The following DOCK8 variants were observed in gnomAD, a reference collection of about 807,000 sequenced individuals.
DOCK8 encodes dedicator of cytokinesis protein 8.
DOCK8 carries 141 observed loss-of-function variants against 245.6 expected under a neutral mutation model. That is an observed-to-expected ratio of 0.57 (90% CI 0.50 to 0.66). The LOEUF is 0.66. Ranked by LOEUF, DOCK8 falls within the 30% of genes least tolerant of loss-of-function variation. DOCK8 has a pLI of 0.00. For missense variants in DOCK8, 2,965 were observed against 2,603.4 expected (o/e 1.14, Z -3.02); for synonymous variants, 1,168 against 970.2 (o/e 1.20, Z -3.79).
chr9:340,197 A>G lies in DOCK8; in HGVS notation c.1555A>G (p.Ile519Val), dbSNP rs1311504432. 2 of 1,614,200 alleles carry G rather than the reference A, an allele frequency of 1.2e-6. No individual in the cohort carries two copies. Among genetic ancestry groups the G allele is most frequent in the East Asian group, 4.5e-5 (2 of 44,884 alleles). ...GGAGATTTCTACAGCTCCAGAGATC[A>G]TCAATTGCTGTCTGACTCCTGAAAT... is the stretch of plus-strand genomic sequence containing the variant. ...RLEISTAPEI[I>V]NCCLTPEMLP... The change falls in exon 14 of 48, where the codon ATC (isoleucine) becomes GTC (valine). Residue 519 changes from isoleucine to valine, a missense_variant. This residue lies in a region of DOCK8 where 2,825 missense variants were observed against 2,453.5 expected (regional missense o/e 1.15). Coordinates refer to ENST00000432829, the MANE Select transcript of DOCK8 (RefSeq NM_203447.4).
At chr9:243,745 TC>T (rs1188385132) in intron 1 of DOCK8, among the ~76,000 whole-genome samples, 2 of 152,116 alleles carry the variant, frequency 1.3e-5, no homozygotes, top group Non-Finnish European at 2.9e-5. Flanking sequence ...TCTAGAGGAC[TC>T]TGATACCCAA....
intron 29 of DOCK8, among the ~76,000 whole-genome samples, chr9:417,048 A>G (rs1285243325): frequency 2.6e-5 from 4 of 152,164 alleles, no homozygotes; most frequent in African/African-American, 9.6e-5. Flanking sequence ...TAATCCCAGC[A>G]CTTTGGGAGG....
intron 33 of DOCK8, among the ~76,000 whole-genome samples, chr9:423,139 A>G (rs1321441092): frequency 2.6e-5 from 4 of 152,140 alleles, no homozygotes; most frequent in Admixed American, 6.6e-5. Context: ...ATACTTTGCT[A>G]TGTTTCCTAC....
At chr9:245,136 C>G (rs139480421) in intron 1 of DOCK8, among the ~76,000 whole-genome samples, 15 of 152,184 alleles carry the variant, frequency 9.9e-5, no homozygotes, top group Admixed American at 2.6e-4. Flanking sequence ...GCCACCTACA[C>G]AGCTGTAGTT....
At chr9:338,227 G>A (rs1335185968) in intron 12 of DOCK8, among the ~76,000 whole-genome samples, 13 of 152,072 alleles carry the variant, frequency 8.5e-5, no homozygotes, top group Non-Finnish European at 7.4e-5. Flanking sequence ...AAATAAACTC[G>A]CTTGGTCTGA....
chr9:396,757 T>G (rs368842972), intron 24 of DOCK8, 28 bp from the exon 25 acceptor site: 91 of 1,613,852 alleles, frequency 5.6e-5, no homozygotes, highest in Non-Finnish European at 7.2e-5. Context: ...AATCTCCATG[T>G]TGACATTTCC....
chr9:382,779 G>A, intron 22 of DOCK8, 94 bp downstream of exon 22: 2 of 1,490,468 alleles, frequency 1.3e-6, no homozygotes, highest in East Asian at 2.4e-5. Context: ...CACTACTGCT[G>A]CCCACCATGC....
In DOCK8 at chr9:273,075, G is replaced by T. The variant is rs539114276; in HGVS notation, c.156+1346G>T. 1.3e-5 allele frequency: 13 copies of T among 985,356 alleles called. No individual in the cohort carries two copies. In the South Asian group the frequency reaches 5.2e-4, roughly 39 times the overall value. 61.0% of individuals were successfully genotyped at this position (985,356 alleles called of 1,614,324 possible). On this transcript the variant is annotated intron_variant, in intron 2 of 47. Coordinates refer to ENST00000432829, the MANE Select transcript of DOCK8 (RefSeq NM_203447.4). ...TTTTGTCTCCTGTAACAATTTACGCGCCGTGTAACTGTGAATCTTTCAAAG... is the reference window on the plus strand; with the variant it reads ...TTTTGTCTCCTGTAACAATTTACGCTCCGTGTAACTGTGAATCTTTCAAAG...
intron 7 of DOCK8, among the ~76,000 whole-genome samples, chr9:318,162 C>G (rs997264592): frequency 6.6e-6 from 1 of 152,176 alleles, no homozygotes; most frequent in African/African-American, 2.4e-5. Flanking sequence ...TACCTCTCTT[C>G]GTCTCTGCAG....
At chr9:349,850 T>A (rs1437153967) in intron 14 of DOCK8, among the ~76,000 whole-genome samples, 1 of 152,232 alleles carries the variant, frequency 6.6e-6, no homozygotes, top group Non-Finnish European at 1.5e-5. Flanking sequence ...GAATTCTGAT[T>A]CATTCTCTTT....
chr9:464,133 T>C, intron 47 of DOCK8, 26 bp from the exon 48 acceptor site: 1 of 1,593,834 alleles, frequency 6.3e-7, no homozygotes, highest in Non-Finnish European at 8.6e-7. Context: ...TCTTTCCCTC[T>C]CCTCCCTCTC....
intron 3 of DOCK8, 74 bp downstream of exon 3, chr9:286,710 C>G (rs1245061626): frequency 1.4e-6 from 2 of 1,386,582 alleles, no homozygotes; most frequent in South Asian, 2.3e-5. Flanking sequence ...AGGGGAGATG[C>G]CTTCAATCTG....
chr9:397,984 A>G (rs2054542777), intron 25 of DOCK8, among the ~76,000 whole-genome samples: 1 of 152,244 alleles, frequency 6.6e-6, no homozygotes, highest in South Asian at 2.1e-4. Context: ...AATGTTTAAA[A>G]GGCAGCTACA....
intron 8 of DOCK8, 44 bp from the exon 9 acceptor site, chr9:327,978 T>C (rs1419163038): frequency 1.9e-6 from 3 of 1,587,680 alleles, no homozygotes; most frequent in East Asian, 4.5e-5. Flanking sequence ...AAACCATGAA[T>C]GCAACAGGTC....
At chr9:395,070 G>A (rs2131382660) in intron 24 of DOCK8, among the ~76,000 whole-genome samples, 1 of 152,292 alleles carries the variant, frequency 6.6e-6, no homozygotes, top group South Asian at 2.1e-4. Context: ...TAAGTCCTTT[G>A]TTAGGAGCAT....
intron 46 of DOCK8, among the ~76,000 whole-genome samples, chr9:460,690 G>C (rs1015129589): frequency 2.0e-5 from 3 of 152,238 alleles, no homozygotes; most frequent in Non-Finnish European, 4.4e-5. Flanking sequence ...GTTAAATCAA[G>C]TCCTTCTTCT....
In DOCK8 at chr9:422,157, T is replaced by C. The variant is rs10217719; in HGVS notation, c.4241+22T>C. The C allele has an allele frequency of 0.65, 1,052,901 of 1,607,732 alleles. 350,422 individuals are homozygous for C. The highest frequency in any genetic ancestry group is 0.96 in the East Asian group (42,812 of 44,822). On this transcript the variant is annotated intron_variant, in intron 33 of 47. Coordinates refer to ENST00000432829, the MANE Select transcript of DOCK8 (RefSeq NM_203447.4). ...ATAAGTGAGTCACTCGGCAACTTTC[T>C]GCTACTTTTACCTAAAGTCCAAAAC... is the stretch of plus-strand genomic sequence containing the variant.
At chr9:278,990 G>C (rs142647767) in intron 2 of DOCK8, among the ~76,000 whole-genome samples, 1 of 152,144 alleles carries the variant, frequency 6.6e-6, no homozygotes, top group Non-Finnish European at 1.5e-5. Context: ...AAGATGTCAC[G>C]GTAACTCAGG....
At chr9:454,467 G>T (rs1484331768) in intron 46 of DOCK8, 1 of 152,018 alleles carries the variant, frequency 6.6e-6, no homozygotes, top group Non-Finnish European at 1.5e-5. Flanking sequence ...TCCCCTGGGG[G>T]TCTTGGAACC....
Sources: allele counts gnomAD v4.1 joint callset (sites outside exome capture counted in the v4.1 genomes callset), GRCh38; gene constraint gnomAD v4.1.1; regional missense constraint gnomAD v4.1.1; transcripts MANE v1.5; gene names NCBI Gene and HGNC (gene_info 2026-07-23, HGNC 2026-07-21).